Variants in ALCAM observed in about 807,000 individuals in gnomAD.
ALCAM encodes activated leukocyte cell adhesion molecule.
A neutral mutation model predicts 70.9 loss-of-function variants in ALCAM; 30 were observed. The ratio of observed to expected loss-of-function variants is 0.42; its 90% CI spans 0.32 to 0.57. The LOEUF is 0.57. Among genes scored for constraint, ALCAM ranks in the 20% least tolerant of loss-of-function variants. The probability of loss-of-function intolerance (pLI) is 0.11; values close to 1 mark genes in which losing one functional copy is unlikely to be tolerated. For missense variants in ALCAM, 591 were observed against 695.1 expected (o/e 0.85, Z 1.68); for synonymous variants, 249 against 242.5 (o/e 1.03, Z -0.25).
At chr3:105,557,220 C>T (rs1940538573) in intron 14 of ALCAM, among the ~76,000 whole-genome samples, 2 of 152,088 alleles carry the variant, frequency 1.3e-5, no homozygotes, top group Non-Finnish European at 1.5e-5. Flanking sequence ...CTAATTCAAA[C>T]GTTGACTTCT....
intron 1 of ALCAM, among the ~76,000 whole-genome samples, chr3:105,433,343 T>C (rs1936980386): frequency 6.6e-6 from 1 of 152,146 alleles, no homozygotes; most frequent in African/African-American, 2.4e-5. Context: ...AGTGTTTCAC[T>C]ACAAGATCCT....
At chr3:105,516,633 C>T (rs1339873072) in intron 1 of ALCAM, among the ~76,000 whole-genome samples, 4 of 151,966 alleles carry the variant, frequency 2.6e-5, no homozygotes, top group South Asian at 2.1e-4. Context: ...CATTTTATAT[C>T]GTATTGTATG....
chr3:105,495,962 A>G (rs1285864074), intron 1 of ALCAM, among the ~76,000 whole-genome samples: 2 of 152,214 alleles, frequency 1.3e-5, no homozygotes, highest in African/African-American at 2.4e-5. Context: ...TCCATTCACT[A>G]TAAGTTTCAA....
chr3:105,571,805 G>GAA (rs758435343), intron 14 of ALCAM, 47 bp from the exon 15 acceptor site: 2 of 1,304,066 alleles, frequency 1.5e-6, no homozygotes, highest in Non-Finnish European at 2.1e-6. Context: ...TATAAAAGTT[G>GAA]AACATGTATG....
At chr3:105,436,574 G>T (rs1025239228) in intron 1 of ALCAM, among the ~76,000 whole-genome samples, 2 of 152,038 alleles carry the variant, frequency 1.3e-5, no homozygotes, top group African/African-American at 2.4e-5. Flanking sequence ...TGATCTACCC[G>T]CCTCAGCCTC....
intron 8 of ALCAM, among the ~76,000 whole-genome samples, chr3:105,541,971 G>C (rs1026245691): frequency 1.3e-5 from 2 of 151,858 alleles, no homozygotes; most frequent in Non-Finnish European, 2.9e-5. Context: ...TCTGATAACC[G>C]CAACTTTTGG....
intron 1 of ALCAM, among the ~76,000 whole-genome samples, chr3:105,512,665 T>G (rs1053877552): frequency 6.6e-6 from 1 of 151,898 alleles, no homozygotes; most frequent in African/African-American, 2.4e-5. Context: ...AGGATCAGAA[T>G]CTAGACTAAA....
At chr3:105,536,585 G>A (rs767242821) in intron 6 of ALCAM, among the ~76,000 whole-genome samples, 2 of 152,142 alleles carry the variant, frequency 1.3e-5, no homozygotes, top group Non-Finnish European at 2.9e-5. Context: ...TGGATACGAA[G>A]AAAATGATTT....
chr3:105,396,081 T>C (rs1027372845), intron 1 of ALCAM, among the ~76,000 whole-genome samples: 2 of 152,016 alleles, frequency 1.3e-5, no homozygotes, highest in Non-Finnish European at 2.9e-5. Flanking sequence ...TAAAGTAGAC[T>C]GGGCAAGCAC....
intron 1 of ALCAM, among the ~76,000 whole-genome samples, chr3:105,400,740 G>T (rs1341409961): frequency 6.6e-6 from 1 of 152,104 alleles, no homozygotes; most frequent in African/African-American, 2.4e-5. Flanking sequence ...GGATTTGTTG[G>T]TTGAGGGAAG....
At chr3:105,526,891 TACCATAG>T (rs1939719124) in intron 3 of ALCAM, among the ~76,000 whole-genome samples, 1 of 152,158 alleles carries the variant, frequency 6.6e-6, no homozygotes, top group Non-Finnish European at 1.5e-5. Context: ...GTGCACCGTG[TACCATAG>T]AATCAAGTGT....
At chr3:105,383,451 A>G (rs997222596) in intron 1 of ALCAM, among the ~76,000 whole-genome samples, 2 of 151,876 alleles carry the variant, frequency 1.3e-5, no homozygotes, top group South Asian at 2.1e-4. Context: ...GAATAAAGGC[A>G]TTAGTCAAAA....
At chr3:105,471,737 A>G (rs866599353) in intron 1 of ALCAM, among the ~76,000 whole-genome samples, 17 of 151,284 alleles carry the variant, frequency 1.1e-4, no homozygotes, top group African/African-American at 3.9e-4. Context: ...TGCATTGTGA[A>G]ATGGTTAAAT....
At chr3:105,456,896 A>G (rs1937541329) in intron 1 of ALCAM, among the ~76,000 whole-genome samples, 1 of 152,216 alleles carries the variant, frequency 6.6e-6, no homozygotes, top group South Asian at 2.1e-4. Context: ...TTCAAAATTA[A>G]CCATTTAAAA....
chr3:105,446,724 A>T (rs766263007), intron 1 of ALCAM, among the ~76,000 whole-genome samples: 4 of 152,082 alleles, frequency 2.6e-5, no homozygotes, highest in Non-Finnish European at 4.4e-5. Flanking sequence ...ACACTTGAGG[A>T]CATTATGATA....
chr3:105,371,450 A>T (rs1935227891), intron 1 of ALCAM, among the ~76,000 whole-genome samples: 1 of 152,032 alleles, frequency 6.6e-6, no homozygotes, highest in Admixed American at 6.6e-5. Flanking sequence ...TAATAGAATA[A>T]CATTCTTTAA....
Position 105,547,229 on chromosome 3 carries a change from T to G in ALCAM, c.1185T>G (p.Ala395=). The G allele has an allele frequency of 3.1e-6, 5 of 1,608,458 alleles. No individual in the cohort carries two copies. Among genetic ancestry groups the G allele is most frequent in the Non-Finnish European group, 4.2e-6 (5 of 1,177,094 alleles). Residue 395 remains alanine, a synonymous_variant, in exon 10 of 16, where the codon GCT becomes GCG. Coordinates refer to ENST00000306107, the MANE Select transcript of ALCAM (RefSeq NM_001627.4). Reference sequence around the variant, plus strand: ...CTGGAAACTATGTCTGCGAAACTGCTCTGCAGGAGGTTGAAGGACTAAAGA... The same window carrying G: ...CTGGAAACTATGTCTGCGAAACTGCGCTGCAGGAGGTTGAAGGACTAAAGA... ...QDAGNYVCET[A]LQEVEGLKKR...
intron 14 of ALCAM, among the ~76,000 whole-genome samples, chr3:105,557,692 T>C (rs1013045998): frequency 1.3e-5 from 2 of 152,186 alleles, no homozygotes; most frequent in South Asian, 2.1e-4. Context: ...CCTGTTTTCA[T>C]GCACATTCAG....
At chr3:105,380,071 T>A (rs1430860253) in intron 1 of ALCAM, among the ~76,000 whole-genome samples, 1 of 151,836 alleles carries the variant, frequency 6.6e-6, no homozygotes, top group Non-Finnish European at 1.5e-5. Flanking sequence ...AACTGTTATA[T>A]ATTTGAATAG....
Sources: gnomAD v4.1 joint callset for allele counts (sites outside exome capture counted in the v4.1 genomes callset) on GRCh38, gnomAD v4.1.1 for gene constraint, MANE v1.5 for transcripts, NCBI Gene and HGNC (gene_info 2026-07-23, HGNC 2026-07-21) for gene names.